Variants in CYP4X1 observed in about 807,000 individuals in gnomAD.
The protein encoded by CYP4X1 is cytochrome P450 family 4 subfamily X member 1.
In CYP4X1, 44 loss-of-function variants were observed where a neutral mutation model predicts 57.9. The ratio of observed to expected loss-of-function variants is 0.76; its 90% CI spans 0.60 to 0.98. The LOEUF is 0.98. Among genes scored for constraint, CYP4X1 ranks in the 50% least tolerant of loss-of-function variants. The pLI is 0.00. For missense variants in CYP4X1, 532 were observed against 623.9 expected, an observed-to-expected ratio of 0.85 and a Z score of 1.57; for synonymous variants, 227 against 228.6, an observed-to-expected ratio of 0.99 and a Z score of 0.06.
the CYP4X1 span, among the ~76,000 whole-genome samples, chr1:46,992,140 CT>C: frequency 7.9e-5 from 12 of 152,228 alleles, no homozygotes; most frequent in South Asian, 1.2e-3. Flanking sequence ...AACCCTGTCT[CT>C]ACTAAAAATT....
At chr1:46,999,830 C>G in the CYP4X1 span, among the ~76,000 whole-genome samples, 2 of 151,814 alleles carry the variant, frequency 1.3e-5, no homozygotes, top group African/African-American at 2.4e-5. Flanking sequence ...AGTTTTACCC[C>G]CTCCTTGTCC....
chr1:46,978,688 C>T, the CYP4X1 span, among the ~76,000 whole-genome samples: 57 of 151,612 alleles, frequency 3.8e-4, no homozygotes, highest in Admixed American at 9.2e-4. Context: ...CTCAGGACCA[C>T]ATCATATTTA....
At chr1:47,006,351 A>G in the CYP4X1 span, among the ~76,000 whole-genome samples, 1 of 152,206 alleles carries the variant, frequency 6.6e-6, no homozygotes, top group East Asian at 1.9e-4. Context: ...TAAGAATTCT[A>G]GTAGACACAT....
the CYP4X1 span, among the ~76,000 whole-genome samples, chr1:46,976,147 A>G: frequency 6.6e-6 from 1 of 152,094 alleles, no homozygotes; most frequent in African/African-American, 2.4e-5. Context: ...GTGGGGCATC[A>G]CCTCACCTGG....
chr1:47,044,837 T>C (rs1009296892), intron 8 of CYP4X1, among the ~76,000 whole-genome samples: 1 of 151,992 alleles, frequency 6.6e-6, no homozygotes, highest in South Asian at 2.1e-4. Flanking sequence ...TTTTTTTTTT[T>C]CTGAGACCGA....
chr1:46,962,061 A>G, the CYP4X1 span, among the ~76,000 whole-genome samples: 2 of 152,078 alleles, frequency 1.3e-5, no homozygotes. Flanking sequence ...TGGTCCAAAG[A>G]CTGGTACTAA....
In CYP4X1 at chr1:47,023,945, T is replaced by C. The variant is rs1192558593; in HGVS notation, c.128T>C (p.Leu43Pro). The C allele has an allele frequency of 4.3e-6, 7 of 1,613,318 alleles. No homozygotes were observed. Among genetic ancestry groups the C allele is most frequent in the Non-Finnish European group, 5.9e-6 (7 of 1,179,930 alleles). Residue 43 changes from leucine (L) to proline (P), a missense_variant, in exon 1 of 12, where the codon CTG becomes CCG. Leu to Pro is a moderately conservative substitution (Grantham distance 98, BLOSUM62 -3). Coordinates refer to ENST00000371901, the MANE Select transcript of CYP4X1 (RefSeq NM_178033.2). ...CGGAGGCAGCGGCTGCTGCGGGACC[T>C]GCGCCCCTTCCCAGCGCCCCCCACC... The part of the protein sequence containing the change: ...YLRRQRLLRD[L>P]RPFPAPPTHW...
chr1:47,028,783 G>A (rs991661639), intron 1 of CYP4X1, among the ~76,000 whole-genome samples: 1 of 152,112 alleles, frequency 6.6e-6, no homozygotes, highest in African/African-American at 2.4e-5. Flanking sequence ...ATATTTCTCT[G>A]TATCTCTACC....
the CYP4X1 span, among the ~76,000 whole-genome samples, chr1:47,018,312 C>T: frequency 6.6e-5 from 10 of 152,218 alleles, no homozygotes; most frequent in Admixed American, 2.6e-4. Flanking sequence ...GCTTTTGTTA[C>T]GTTCCAGCCT....
chr1:47,011,882 T>C, the CYP4X1 span, among the ~76,000 whole-genome samples: 5 of 152,196 alleles, frequency 3.3e-5, no homozygotes, highest in Admixed American at 6.5e-5. Flanking sequence ...CCAGTTAGAA[T>C]GGCGATCATT....
At chr1:46,981,212 A>G in the CYP4X1 span, among the ~76,000 whole-genome samples, 30 of 152,318 alleles carry the variant, frequency 2.0e-4, no homozygotes, top group African/African-American at 7.2e-4. Flanking sequence ...AGAATGGGAG[A>G]AAATTTTTGC....
intron 10 of CYP4X1, 142 bp from the exon 11 acceptor site, chr1:47,049,280 C>G (rs1414096977): frequency 1.2e-5 from 7 of 599,222 alleles, no homozygotes; most frequent in Non-Finnish European, 2.0e-5. Context: ...TTAACTTCAC[C>G]TTTTAAAAAT....
At chr1:47,020,689 G>T (rs1184569313), upstream of CYP4X1, among the ~76,000 whole-genome samples, 1 of 152,188 alleles carries the variant, frequency 6.6e-6, no homozygotes, top group South Asian at 2.1e-4. Context: ...TTGGTGGGCT[G>T]CAATGCTATC....
the CYP4X1 span, among the ~76,000 whole-genome samples, chr1:46,978,196 T>G: frequency 2.0e-5 from 3 of 151,590 alleles, no homozygotes; most frequent in Non-Finnish European, 4.4e-5. Context: ...GGATAAAGAG[T>G]CAAGACCCAT....
At chr1:46,961,866 T>A in the CYP4X1 span, 1 of 960,676 alleles carries the variant, frequency 1.0e-6, no homozygotes, top group Non-Finnish European at 1.4e-6. Context: ...CAACCTGGCC[T>A]CTTTGTGCCT....
At chr1:46,967,854 T>A in the CYP4X1 span, 2 of 1,187,334 alleles carry the variant, frequency 1.7e-6, no homozygotes, top group Non-Finnish European at 2.2e-6. Context: ...TGGCAAATTT[T>A]TTCCCAATGC....
the CYP4X1 span, among the ~76,000 whole-genome samples, chr1:46,974,766 TG>T: frequency 6.6e-6 from 1 of 152,194 alleles, no homozygotes; most frequent in Non-Finnish European, 1.5e-5. Context: ...TGTTCTTTTT[TG>T]TTTTCTATTT....
Position 47,025,517 on chromosome 1 carries a change from G to A in CYP4X1, c.177+1523G>A, listed in dbSNP as rs1194805445. Among the ~76,000 whole-genome samples the A allele has an allele frequency of 3.3e-5, 5 of 152,206 alleles. No homozygotes were observed. The South Asian group carries it at 1.0e-3, about 32-fold the overall frequency. ...ACTGTCCCAGTAACTATATAGTATTGTATTTTTTAAATAGAAAAACTTCTA... is the reference window on the plus strand; with the variant it reads ...ACTGTCCCAGTAACTATATAGTATTATATTTTTTAAATAGAAAAACTTCTA... On this transcript the variant is annotated intron_variant, in intron 1 of 11. Coordinates refer to ENST00000371901, the MANE Select transcript of CYP4X1 (RefSeq NM_178033.2).
chr1:47,049,368 G>A (rs1375954584), intron 10 of CYP4X1, 54 bp from the exon 11 acceptor site: 23 of 1,378,726 alleles, frequency 1.7e-5, no homozygotes, highest in Non-Finnish European at 1.4e-5. Flanking sequence ...GGTAGGTGAA[G>A]AAATGTGTTC....
Sources: gnomAD v4.1 joint callset for allele counts (sites outside exome capture counted in the v4.1 genomes callset) on GRCh38, gnomAD v4.1.1 for gene constraint, MANE v1.5 for transcripts, NCBI Gene and HGNC (gene_info 2026-07-23, HGNC 2026-07-21) for gene names.